The following IL1RAPL2 variants were observed in gnomAD, a reference collection of about 807,000 sequenced individuals.
IL1RAPL2 encodes the protein interleukin 1 receptor accessory protein like 2, also known as X-linked interleukin-1 receptor accessory protein-like 2.
A neutral mutation model predicts 44.1 loss-of-function variants in IL1RAPL2; 3 were observed. The observed-to-expected ratio is 0.07, with a 90% CI of 0.03 to 0.18. IL1RAPL2 has a LOEUF of 0.18. IL1RAPL2 is among the 10% of genes least tolerant of loss of function. The pLI, the probability that IL1RAPL2 is intolerant of heterozygous loss-of-function variation, is 1.00. For synonymous variants in IL1RAPL2, 181 were observed against 178.8 expected (o/e 1.01, Z -0.10); for missense variants, 391 against 496.4 (o/e 0.79, Z 2.02).
intron 2 of IL1RAPL2, among the ~76,000 whole-genome samples, chrX:104,846,880 G>A (rs1437242546): frequency 2.7e-5 from 3 of 111,261 alleles, no homozygotes; most frequent in Non-Finnish European, 5.7e-5. Context: ...CTTTTTAATA[G>A]TCGCCATTCT....
chrX:105,502,547 GTTA>G (rs2036402915), intron 6 of IL1RAPL2, among the ~76,000 whole-genome samples: 1 of 110,976 alleles, frequency 9.0e-6, no homozygotes, highest in African/African-American at 3.3e-5. Context: ...GGAAGGTATC[GTTA>G]TTATTATAAA....
At position 105,293,431 on chromosome X, in the gene IL1RAPL2, T is replaced by G. The variant is rs143221746; in HGVS notation, c.697+25890T>G. On this transcript the variant is annotated intron_variant, in intron 5 of 10. Transcript: ENST00000372582. ...GAGAATTGCTGGATCAAAGGTTATA[T>G]GCTTTTTAAATTTGATAAGACTGCC... 5.7e-3 allele frequency among the ~76,000 whole-genome samples: 634 copies of G among 112,046 alleles called. 10 individuals are homozygous for G. The highest frequency in any genetic ancestry group is 0.02 in the African/African-American group (607 of 30,861).
At chrX:104,599,649 A>AGC (rs1296139302) in intron 1 of IL1RAPL2, among the ~76,000 whole-genome samples, 5 of 67,913 alleles carry the variant, frequency 7.4e-5, no homozygotes, top group South Asian at 7.5e-4. Context: ...TGATGGATTT[A>AGC]GCACACACAC....
intron 2 of IL1RAPL2, among the ~76,000 whole-genome samples, chrX:104,775,967 G>A (rs757355666): frequency 1.8e-5 from 2 of 109,596 alleles, no homozygotes; most frequent in African/African-American, 3.3e-5. Flanking sequence ...TATGAGGGAG[G>A]ATTGGGATCC....
intron 5 of IL1RAPL2, among the ~76,000 whole-genome samples, chrX:105,461,378 T>C (rs1216119284): frequency 9.0e-6 from 1 of 111,503 alleles, no homozygotes; most frequent in Non-Finnish European, 1.9e-5. Context: ...CTTTCTCCCA[T>C]GAACACTTTT....
At chrX:105,347,556 CCATCATCATCATCATCATCATCAT>C (rs35941963) in intron 5 of IL1RAPL2, among the ~76,000 whole-genome samples, 6 of 100,479 alleles carry the variant, frequency 6.0e-5, no homozygotes, top group African/African-American at 2.2e-4. Flanking sequence ...CTCTCTTCCT[CCATCATCATCATCATCATCATCAT>C]CATCATCATC....
intron 2 of IL1RAPL2, among the ~76,000 whole-genome samples, chrX:105,050,537 G>C (rs1317748694): frequency 1.8e-5 from 2 of 111,706 alleles, no homozygotes; most frequent in African/African-American, 6.5e-5. Flanking sequence ...CCTAAAAGAA[G>C]TCTGCCTTGG....
intron 2 of IL1RAPL2, among the ~76,000 whole-genome samples, chrX:104,739,395 C>T (rs1443923037): frequency 8.9e-6 from 1 of 112,344 alleles, no homozygotes; most frequent in Non-Finnish European, 1.9e-5. Context: ...TTGTAATCAT[C>T]TAGATCGTTT....
chrX:104,896,742 G>A (rs973736898), intron 2 of IL1RAPL2, among the ~76,000 whole-genome samples: 1 of 111,330 alleles, frequency 9.0e-6, no homozygotes, highest in Non-Finnish European at 1.9e-5. Flanking sequence ...TGGAAGCTTT[G>A]TTCTTTTGCT....
intron 2 of IL1RAPL2, among the ~76,000 whole-genome samples, chrX:105,061,311 G>T (rs2032073106): frequency 9.0e-6 from 1 of 111,198 alleles, no homozygotes; most frequent in African/African-American, 3.3e-5. Context: ...TGTCACTCAG[G>T]AGCATACTGT....
At chrX:105,369,916 A>G (rs751734470) in intron 5 of IL1RAPL2, among the ~76,000 whole-genome samples, 1 of 111,814 alleles carries the variant, frequency 8.9e-6, no homozygotes, top group East Asian at 2.8e-4. Flanking sequence ...TGGTAAACTG[A>G]CCATATACAG....
At chrX:104,899,548 T>C (rs1485344183) in intron 2 of IL1RAPL2, among the ~76,000 whole-genome samples, 1 of 111,779 alleles carries the variant, frequency 8.9e-6, no homozygotes, top group African/African-American at 3.3e-5. Flanking sequence ...ACATTTCAGA[T>C]ACCAACTGGG....
chrX:105,496,890 T>C (rs2147780748), intron 6 of IL1RAPL2, among the ~76,000 whole-genome samples: 1 of 112,111 alleles, frequency 8.9e-6, no homozygotes. Flanking sequence ...GGTTTGCTTA[T>C]TAACCTAATA....
intron 2 of IL1RAPL2, among the ~76,000 whole-genome samples, chrX:104,693,907 T>C (rs1931136390): frequency 8.9e-6 from 1 of 111,805 alleles, no homozygotes; most frequent in Admixed American, 9.5e-5. Context: ...ATTGATTCCA[T>C]AATGCAGACC....
At chrX:105,584,309 G>A (rs1044853564) in intron 6 of IL1RAPL2, among the ~76,000 whole-genome samples, 1 of 111,393 alleles carries the variant, frequency 9.0e-6, no homozygotes, top group Non-Finnish European at 1.9e-5. Context: ...GGTTAGACTT[G>A]TTATGTTCCC....
At chrX:105,099,203 A>T (rs5916865) in intron 2 of IL1RAPL2, among the ~76,000 whole-genome samples, 2 of 110,541 alleles carry the variant, frequency 1.8e-5, no homozygotes, top group Non-Finnish European at 3.8e-5. Context: ...TGCTACAAAG[A>T]AGTATACAGT....
At chrX:104,922,307 A>G (rs1250057228) in intron 2 of IL1RAPL2, among the ~76,000 whole-genome samples, 1 of 113,211 alleles carries the variant, frequency 8.8e-6, no homozygotes, top group African/African-American at 3.2e-5. Flanking sequence ...ATGACCCATC[A>G]CAACTGCAAA....
chrX:105,396,656 G>A (rs995719599), intron 5 of IL1RAPL2, among the ~76,000 whole-genome samples: 2 of 107,042 alleles, frequency 1.9e-5, no homozygotes, highest in African/African-American at 6.8e-5. Context: ...AACCAAGGAT[G>A]AAGTCCTTGA....
intron 1 of IL1RAPL2, among the ~76,000 whole-genome samples, chrX:104,582,630 TTCTTTCTTTCTC>T (rs1569487494): frequency 7.5e-4 from 65 of 87,081 alleles, no homozygotes; most frequent in African/African-American, 3.2e-3. Flanking sequence ...CTTTCTTTCT[TTCTTTCTTTCTC>T]TCTTTCTTTC....
Sources: allele counts gnomAD v4.1 joint callset (sites outside exome capture counted in the v4.1 genomes callset), GRCh38; gene constraint gnomAD v4.1.1; transcripts MANE v1.5; gene names NCBI Gene and HGNC (gene_info 2026-07-23, HGNC 2026-07-21).